The following PEX13 variants were observed in gnomAD, a reference collection of about 807,000 sequenced individuals.
PEX13 encodes peroxisomal biogenesis factor 13, also known as peroxisome biogenesis factor 13.
Under a neutral mutation model 34.5 loss-of-function variants are expected in PEX13, and 28 were observed. That is an observed-to-expected ratio of 0.81 (90% CI 0.60 to 1.11). The LOEUF (loss-of-function observed/expected upper bound fraction) is 1.11, where lower values mean the gene tolerates loss of function less well. Among genes scored for constraint, PEX13 ranks in the 50% most tolerant of loss-of-function variants. The probability of loss-of-function intolerance (pLI) is 0.00; values close to 1 mark genes in which losing one functional copy is unlikely to be tolerated. For missense variants in PEX13, 550 were observed against 491.0 expected, an observed-to-expected ratio of 1.12 and a Z score of -1.13; for synonymous variants, 177 against 175.1, an observed-to-expected ratio of 1.01 and a Z score of -0.09.
chr2:61,042,386 G>T (rs79849042), intron 2 of PEX13, among the ~76,000 whole-genome samples: 2,193 of 152,170 alleles, frequency 0.014, 66 homozygotes, highest in African/African-American at 0.05. Context: ...TTATACTACA[G>T]TGGGTTTTTT....
At chr2:61,018,921 A>G (rs1372377407) in intron 1 of PEX13, 1 of 152,266 alleles carries the variant, frequency 6.6e-6, no homozygotes, top group Non-Finnish European at 1.5e-5. Flanking sequence ...AAAATTAACC[A>G]TTTTCCCACT....
intron 2 of PEX13, among the ~76,000 whole-genome samples, chr2:61,045,501 C>T (rs1680692022): frequency 6.6e-6 from 1 of 152,098 alleles, no homozygotes; most frequent in South Asian, 2.1e-4. Context: ...ACCCCTGGCT[C>T]ACGGTAAGAG....
At position 61,048,973 on chromosome 2, in the gene PEX13, A is replaced by G. The variant is rs1422077645; in HGVS notation, c.*203A>G. 3 of 572,152 alleles carry G rather than the reference A, an allele frequency of 5.2e-6. No homozygotes were observed. The highest frequency in any genetic ancestry group is 3.1e-5 in the Admixed American group (1 of 31,904). 35.4% of individuals were successfully genotyped at this position (572,152 alleles called of 1,614,324 possible). On this transcript the variant is annotated 3_prime_UTR_variant, in exon 4 of 4. Coordinates refer to ENST00000295030, the MANE Select transcript of PEX13 (RefSeq NM_002618.4). ...ATTTTATTATACACATTATTGGACC[A>G]TAAGGACATTTGTTTCACCTAGATT... is the stretch of plus-strand genomic sequence containing the variant.
chr2:61,050,751 C>T lies in PEX13; in HGVS notation c.*1981C>T, dbSNP rs897239903. 2.6e-5 allele frequency: 4 copies of T among 152,262 alleles called. No individual in the cohort carries two copies. Among genetic ancestry groups the T allele is most frequent in the Non-Finnish European group, 5.9e-5 (4 of 68,124 alleles). 9.4% of individuals were successfully genotyped at this position (152,262 alleles called of 1,614,324 possible). ...TCTCCTGCCTCAGCCTCCCGAGTAGCTGGGACTACAGGCGCCTGCCACCAG... is the reference window on the plus strand; with the variant it reads ...TCTCCTGCCTCAGCCTCCCGAGTAGTTGGGACTACAGGCGCCTGCCACCAG... On this transcript the variant is annotated 3_prime_UTR_variant, in exon 4 of 4. Transcript: ENST00000295030.
chr2:61,022,395 A>G (rs535170319), intron 1 of PEX13, among the ~76,000 whole-genome samples: 13 of 152,372 alleles, frequency 8.5e-5, no homozygotes, highest in Non-Finnish European at 1.8e-4. Flanking sequence ...ACAAGCTTCA[A>G]TAGCTGATTC....
intron 3 of PEX13, among the ~76,000 whole-genome samples, chr2:61,047,011 G>A (rs529283838): frequency 2.0e-5 from 3 of 152,006 alleles, no homozygotes; most frequent in Non-Finnish European, 4.4e-5. Context: ...ATCACTTGAG[G>A]CCAGGAGTTT....
At chr2:61,040,946 A>G (rs1559042236) in intron 2 of PEX13, among the ~76,000 whole-genome samples, 1 of 151,822 alleles carries the variant, frequency 6.6e-6, no homozygotes, top group Non-Finnish European at 1.5e-5. Context: ...ACCAATCAGG[A>G]GAGTCAAGCA....
chr2:61,018,117 A>G, intron 1 of PEX13: 1 of 1,546,948 alleles, frequency 6.5e-7, no homozygotes, highest in Non-Finnish European at 8.7e-7. Flanking sequence ...CTTGAAAGAA[A>G]GGGGGGCGGC....
Position 61,031,878 on chromosome 2 carries a change from G to T in PEX13, c.552G>T (p.Leu184Phe), listed in dbSNP as rs1063938. 6.2e-7 allele frequency: 1 copy of T among 1,613,188 alleles called. No homozygotes were observed. The highest frequency in any genetic ancestry group is 1.1e-5 in the South Asian group (1 of 91,052). The change falls in exon 2 of 4, where the codon TTG becomes TTT. Residue 184 changes from leucine (L) to phenylalanine (F), a missense_variant. By Grantham distance (22) the Leu-to-Phe change is conservative. Transcript: ENST00000295030. The stretch of plus-strand genomic sequence containing the variant: ...CAAAAGTGTTTTCAGCTTTTGCATT[G>T]GTTAGGACTATACGGTATCTTTACA... The part of the protein sequence containing the change: ...HFTKVFSAFA[L>F]VRTIRYLYRR...
At position 61,048,586 on chromosome 2, in the gene PEX13, T is replaced by C; in HGVS notation, c.1028T>C (p.Val343Ala). The change falls in exon 4 of 4, where the codon GTG becomes GCG. Residue 343 changes from valine (V) to alanine (A), a missense_variant. Physicochemically the swap from Val to Ala is moderately conservative, Grantham distance 64. Coordinates refer to ENST00000295030, the MANE Select transcript of PEX13 (RefSeq NM_002618.4). ...GGCAAAAGAAAAGGTAGGAAAACGG[T>C]GGAATCAAGTAAAGTTTCCAAGCAG... ...ILGKRKGRKT[V>A]ESSKVSKQQQ... 6.2e-7 allele frequency: 1 copy of C among 1,614,026 alleles called. No homozygotes were observed. Among genetic ancestry groups the C allele is most frequent in the South Asian group, 1.1e-5 (1 of 91,070 alleles).
Position 61,043,706 on chromosome 2 carries a change from A to G in PEX13, c.788-2020A>G, listed in dbSNP as rs552319218. Among the ~76,000 whole-genome samples, 3 of 152,368 alleles carry G rather than the reference A, an allele frequency of 2.0e-5. No homozygotes were observed. In the South Asian group the frequency reaches 6.2e-4, roughly 32 times the overall value. ...GTTATTGAACTAGTAGTGTCAAGGT[A>G]AAGTTTATTCACTCTTGTGACATAA... On this transcript the variant is annotated intron_variant, in intron 2 of 3. Coordinates refer to ENST00000295030, the MANE Select transcript of PEX13 (RefSeq NM_002618.4).
In PEX13 at chr2:61,049,896, A is replaced by G. The variant is rs1680767356; in HGVS notation, c.*1126A>G. 1 of 152,292 alleles carries G rather than the reference A, an allele frequency of 6.6e-6. No homozygotes were observed. The highest frequency in any genetic ancestry group is 2.1e-4 in the South Asian group (1 of 4,830). The allele number at this position is 152,292 out of a possible 1,614,324, so 9.4% of individuals were successfully genotyped here. A position where few individuals can be genotyped will look rare whatever the true frequency, so the allele number is the denominator to read the frequency against. ...AATACTTGAGTTCTTTTGAGTTTGC[A>G]CTTAATGATATAATCAGTTATAATA... On this transcript the variant is annotated 3_prime_UTR_variant, in exon 4 of 4. Transcript: ENST00000295030.
At chr2:61,046,224 G>A (rs760550021) in intron 3 of PEX13, among the ~76,000 whole-genome samples, 12 of 152,122 alleles carry the variant, frequency 7.9e-5, no homozygotes, top group Admixed American at 5.2e-4. Context: ...TAGTCCTTGT[G>A]GACTGGTGTT....
In PEX13 at chr2:61,051,793, C is replaced by T. The variant is rs1197418487; in HGVS notation, c.*3023C>T. On this transcript the variant is annotated 3_prime_UTR_variant, in exon 4 of 4. Coordinates refer to ENST00000295030, the MANE Select transcript of PEX13 (RefSeq NM_002618.4). ...GAAAGGAAATGGTAAAAGAACTATA[C>T]ATTTTCATGTTTTAACATTTTATGT... 6.6e-6 allele frequency: 1 copy of T among 152,272 alleles called. No individual in the cohort carries two copies. The highest frequency in any genetic ancestry group is 1.5e-5 in the Non-Finnish European group (1 of 68,020). 9.4% of individuals were successfully genotyped at this position (152,272 alleles called of 1,614,324 possible).
Position 61,023,953 on chromosome 2 carries a change from C to T in PEX13, c.92+6102C>T, listed in dbSNP as rs117411048. On this transcript the variant is annotated intron_variant, in intron 1 of 3. Transcript: ENST00000295030. ...CTGGGACCACAGGTAAGTGCCACAA[C>T]GCCCAGCTAATTTTTGTATTTTTTG... Among the ~76,000 whole-genome samples the T allele has an allele frequency of 8.3e-3, 1,268 of 152,082 alleles. 62 individuals are homozygous for T. Among genetic ancestry groups the T allele is most frequent in the Admixed American group, 0.071 (1,082 of 15,266 alleles).
chr2:61,024,688 A>G (rs965414076), intron 1 of PEX13, among the ~76,000 whole-genome samples: 1 of 152,196 alleles, frequency 6.6e-6, no homozygotes, highest in African/African-American at 2.4e-5. Context: ...GGGCGCCTGT[A>G]GTCCCAGCTA....
intron 1 of PEX13, chr2:61,018,421 C>T (rs1680157676): frequency 2.7e-6 from 3 of 1,113,828 alleles, no homozygotes; most frequent in Non-Finnish European, 2.5e-6. Flanking sequence ...GATCTGAGGC[C>T]TATGGATGGA....
At chr2:61,020,676 A>G (rs2104795240) in intron 1 of PEX13, among the ~76,000 whole-genome samples, 1 of 152,052 alleles carries the variant, frequency 6.6e-6, no homozygotes, top group East Asian at 1.9e-4. Context: ...TTTGTTTGAG[A>G]TGGAGTCTCA....
intron 2 of PEX13, 37 bp from the exon 3 acceptor site, chr2:61,045,689 G>A: frequency 6.2e-7 from 1 of 1,601,734 alleles, no homozygotes; most frequent in Non-Finnish European, 8.6e-7. Context: ...TTTTTCTTTT[G>A]TAAATTTTAT....
Sources: allele counts gnomAD v4.1 joint callset (sites outside exome capture counted in the v4.1 genomes callset), GRCh38; gene constraint gnomAD v4.1.1; transcripts MANE v1.5; gene names NCBI Gene and HGNC (gene_info 2026-07-23, HGNC 2026-07-21).